ZDHHC14: variants seen among roughly 807,000 people sequenced by gnomAD.
The protein encoded by ZDHHC14 is zDHHC palmitoyltransferase 14.
A neutral mutation model predicts 47.7 loss-of-function variants in ZDHHC14; 16 were observed. The observed-to-expected ratio is 0.34, with a 90% confidence interval of 0.23 to 0.51. ZDHHC14 has a LOEUF of 0.51. Among genes scored for constraint, ZDHHC14 ranks in the 20% least tolerant of loss-of-function variants. The pLI is 0.97. For synonymous variants in ZDHHC14, 293 were observed against 278.9 expected (o/e 1.05, Z -0.50); for missense variants, 515 against 662.5 (o/e 0.78, Z 2.44).
intron 1 of ZDHHC14, among the ~76,000 whole-genome samples, chr6:157,402,251 A>G (rs1307093406): frequency 6.6e-6 from 1 of 150,846 alleles, no homozygotes; most frequent in Non-Finnish European, 1.5e-5. Context: ...TGCTGAGGTC[A>G]TAACTGCAGT....
intron 3 of ZDHHC14, among the ~76,000 whole-genome samples, chr6:157,594,819 G>A (rs1374700367): frequency 6.6e-6 from 1 of 152,122 alleles, no homozygotes; most frequent in Non-Finnish European, 1.5e-5. Context: ...ACCTATCTTG[G>A]GGACAATTTA....
In ZDHHC14 at chr6:157,446,795, A is replaced by G. The variant is rs567227248; in HGVS notation, c.245+64529A>G. ...AGATCAGTTATATGCTGATGTATGC[A>G]TGTATGTACAGTATATACACACATG... On this transcript the variant is annotated intron_variant, in intron 1 of 8. Transcript: ENST00000359775. 1.3e-4 allele frequency among the ~76,000 whole-genome samples: 20 copies of G among 152,344 alleles called. No homozygotes were observed. In the South Asian group the frequency reaches 4.1e-3, roughly 32 times the overall value.
At chr6:157,438,478 A>T (rs751555789) in intron 1 of ZDHHC14, among the ~76,000 whole-genome samples, 1 of 152,238 alleles carries the variant, frequency 6.6e-6, no homozygotes, top group Non-Finnish European at 1.5e-5. Context: ...ACGTGCAGAC[A>T]TCTCTAGTTT....
At chr6:157,604,169 C>A (rs9365162) in intron 3 of ZDHHC14, among the ~76,000 whole-genome samples, 44,546 of 151,712 alleles carry the variant, frequency 0.29, 7,068 homozygotes, top group East Asian at 0.56. Flanking sequence ...TGCCTGTAAG[C>A]CCAACTACCC....
chr6:157,537,249 A>C (rs1410550107), intron 1 of ZDHHC14, among the ~76,000 whole-genome samples: 1 of 152,114 alleles, frequency 6.6e-6, no homozygotes, highest in African/African-American at 2.4e-5. Flanking sequence ...ACATCAATGC[A>C]CAAAAACAAT....
chr6:157,660,607 A>G (rs1172790838), intron 8 of ZDHHC14, among the ~76,000 whole-genome samples: 3 of 152,154 alleles, frequency 2.0e-5, no homozygotes, highest in African/African-American at 4.8e-5. Context: ...ATTTATTACA[A>G]TCTGTCGCTC....
chr6:157,578,889 G>T (rs769765228), intron 2 of ZDHHC14, among the ~76,000 whole-genome samples: 1 of 152,106 alleles, frequency 6.6e-6, no homozygotes, highest in Non-Finnish European at 1.5e-5. Flanking sequence ...CCTAGTCTTG[G>T]TTATTTCTTC....
intron 1 of ZDHHC14, among the ~76,000 whole-genome samples, chr6:157,541,509 C>A (rs1006902721): frequency 5.3e-5 from 8 of 152,198 alleles, no homozygotes; most frequent in Non-Finnish European, 4.4e-5. Context: ...CTCCCCATCT[C>A]TGTTTTGTCT....
At chr6:157,495,376 A>G (rs1452931039) in intron 1 of ZDHHC14, among the ~76,000 whole-genome samples, 4 of 152,194 alleles carry the variant, frequency 2.6e-5, no homozygotes, top group African/African-American at 9.7e-5. Context: ...CACTATGAGC[A>G]ATACAAATGT....
intron 1 of ZDHHC14, among the ~76,000 whole-genome samples, chr6:157,499,347 G>A (rs973262805): frequency 1.3e-5 from 2 of 152,154 alleles, no homozygotes; most frequent in Admixed American, 6.5e-5. Context: ...TGGTTTGCGG[G>A]TGGTGCCTTC....
At chr6:157,604,792 C>T (rs550618557) in intron 3 of ZDHHC14, among the ~76,000 whole-genome samples, 1 of 152,292 alleles carries the variant, frequency 6.6e-6, no homozygotes, top group South Asian at 2.1e-4. Context: ...GATCCACCTG[C>T]CTCGGCCTCC....
intron 1 of ZDHHC14, among the ~76,000 whole-genome samples, chr6:157,507,706 A>G (rs969001564): frequency 6.6e-6 from 1 of 152,060 alleles, no homozygotes; most frequent in Non-Finnish European, 1.5e-5. Context: ...CTTCAGTTGG[A>G]CTGGCCTGGG....
intron 1 of ZDHHC14, among the ~76,000 whole-genome samples, chr6:157,452,788 C>T (rs1484199040): frequency 2.0e-5 from 3 of 148,698 alleles, no homozygotes; most frequent in Admixed American, 6.8e-5. Flanking sequence ...CTGCAAGCTC[C>T]GCCTCCCGGG....
At chr6:157,554,044 C>T (rs371532095) in intron 2 of ZDHHC14, among the ~76,000 whole-genome samples, 10 of 152,204 alleles carry the variant, frequency 6.6e-5, no homozygotes, top group Non-Finnish European at 1.0e-4. Flanking sequence ...TAGACAGAAG[C>T]GAACACCATT....
At chr6:157,458,849 A>ATTTTTGTTTTTTTTTTT (rs1778991969) in intron 1 of ZDHHC14, among the ~76,000 whole-genome samples, 1 of 81,226 alleles carries the variant, frequency 1.2e-5, no homozygotes, top group East Asian at 4.6e-4. Flanking sequence ...ATGTGGGTGG[A>ATTTTTGTTTTTTTTTTT]TTTTTTTTTT....
At chr6:157,405,151 A>G (rs1402310459) in intron 1 of ZDHHC14, among the ~76,000 whole-genome samples, 2 of 152,178 alleles carry the variant, frequency 1.3e-5, no homozygotes, top group Non-Finnish European at 2.9e-5. Flanking sequence ...TTAGGGTCTA[A>G]ATTCAGAAAT....
chr6:157,444,351 A>C (rs1301711312), intron 1 of ZDHHC14, among the ~76,000 whole-genome samples: 3 of 152,152 alleles, frequency 2.0e-5, no homozygotes, highest in African/African-American at 7.2e-5. Context: ...GAGCTCTGAG[A>C]CTGGGGAGAG....
chr6:157,660,095 G>A (rs1478466147), intron 8 of ZDHHC14, among the ~76,000 whole-genome samples: 1 of 152,070 alleles, frequency 6.6e-6, no homozygotes, highest in African/African-American at 2.4e-5. Context: ...CTTTTACAAA[G>A]GATGAAACTG....
chr6:157,507,029 C>A (rs930488583), intron 1 of ZDHHC14, among the ~76,000 whole-genome samples: 2 of 152,048 alleles, frequency 1.3e-5, no homozygotes, highest in African/African-American at 4.8e-5. Flanking sequence ...TCAGTTTCAA[C>A]TGTTTTTGGT....
Sources: allele counts gnomAD v4.1 joint callset (sites outside exome capture counted in the v4.1 genomes callset), GRCh38; gene constraint gnomAD v4.1.1; transcripts MANE v1.5; gene names NCBI Gene and HGNC (gene_info 2026-07-23, HGNC 2026-07-21).